Variants in ERCC8 observed in about 807,000 individuals in gnomAD.
ERCC8 encodes ERCC excision repair 8, CSA ubiquitin ligase complex subunit, also known as DNA excision repair protein ERCC-8.
A neutral mutation model predicts 54.9 loss-of-function variants in ERCC8; 52 were observed. The observed-to-expected ratio is 0.95, with a 90% CI of 0.76 to 1.19. The LOEUF (loss-of-function observed/expected upper bound fraction) is 1.19, where lower values mean the gene tolerates loss of function less well. Ranked by LOEUF, ERCC8 falls within the 50% of genes most tolerant of loss-of-function variation. ERCC8 has a pLI of 0.00. For missense variants in ERCC8, 514 were observed against 466.1 expected (o/e 1.10, Z -0.95); for synonymous variants, 146 against 157.2 (o/e 0.93, Z 0.53).
chr5:60,902,598 T>C (rs1484099116), intron 6 of ERCC8, 90 bp from the exon 7 acceptor site: 1 of 965,150 alleles, frequency 1.0e-6, no homozygotes, highest in Non-Finnish European at 1.7e-6. Flanking sequence ...CTGAAGAAAG[T>C]GAGGCCAAAT....
intron 9 of ERCC8, among the ~76,000 whole-genome samples, chr5:60,891,621 T>C (rs1432459368): frequency 6.6e-6 from 1 of 150,874 alleles, no homozygotes; most frequent in Non-Finnish European, 1.5e-5. Context: ...GAATGGTATT[T>C]TTTGGGGAGG....
At position 60,944,978 on chromosome 5, in the gene ERCC8, C is replaced by A; in HGVS notation, c.31G>T (p.Gly11Cys). ...CGAAGGCGAAGAGGGTCCTCCAAAC[C>A]CGTTTGGCGTGCGGACAAAAACCCC... MLGFLSARQT[G>C]LEDPLRLRRA... The change falls in exon 1 of 12, where the codon GGT becomes TGT. Residue 11 changes from glycine (G) to cysteine (C), a missense_variant. Coordinates refer to ENST00000676185, the MANE Select transcript of ERCC8 (RefSeq NM_000082.4). 1 of 1,614,144 alleles carries A rather than the reference C, an allele frequency of 6.2e-7. No individual in the cohort carries two copies.
chr5:60,924,637 T>C (rs901268426), intron 2 of ERCC8: 6 of 154,566 alleles, frequency 3.9e-5, no homozygotes, highest in African/African-American at 1.4e-4. Flanking sequence ...ATTCTGCTCT[T>C]TTGCCTTGGT....
chr5:60,902,309 T>G (rs1425163455), intron 7 of ERCC8, 133 bp downstream of exon 7: 2 of 690,450 alleles, frequency 2.9e-6, no homozygotes, highest in Admixed American at 2.9e-5. Context: ...TTAAAATTTC[T>G]AAGTCAATAC....
At chr5:60,893,411 A>T (rs1748625816) in intron 9 of ERCC8, 1 of 894,610 alleles carries the variant, frequency 1.1e-6, no homozygotes, top group African/African-American at 1.6e-5. Flanking sequence ...CATCTCCTCA[A>T]CCCTCTTCTT....
intron 2 of ERCC8, among the ~76,000 whole-genome samples, chr5:60,925,600 T>C (rs1003048597): frequency 1.3e-5 from 2 of 152,204 alleles, no homozygotes; most frequent in Admixed American, 1.3e-4. Context: ...AGATGCCTTA[T>C]CGCTTTTTAC....
At chr5:60,892,186 C>G (rs887842336) in intron 9 of ERCC8, 2 of 525,820 alleles carry the variant, frequency 3.8e-6, no homozygotes, top group African/African-American at 1.9e-5. Flanking sequence ...CCCACCCCAT[C>G]TGATGACGAT....
chr5:60,888,903 T>C (rs777392728), intron 10 of ERCC8, among the ~76,000 whole-genome samples: 6 of 152,226 alleles, frequency 3.9e-5, no homozygotes, highest in Non-Finnish European at 8.8e-5. Context: ...TCATTATTTG[T>C]TCCAATACTG....
At chr5:60,942,441 C>G (rs1156649530) in intron 1 of ERCC8, among the ~76,000 whole-genome samples, 7 of 152,094 alleles carry the variant, frequency 4.6e-5, no homozygotes, top group African/African-American at 7.2e-5. Context: ...TGTGGTATAT[C>G]TGCACAGTGG....
rs1206549001 is a variant in ERCC8, at chr5:60,867,241, C to T, written c.*7374G>A. Among the ~76,000 whole-genome samples the T allele has an allele frequency of 1.3e-5, 2 of 152,010 alleles. No individual in the cohort carries two copies. Among genetic ancestry groups the T allele is most frequent in the African/African-American group, 2.4e-5 (1 of 41,404 alleles). On this transcript the variant is annotated 3_prime_UTR_variant, in exon 12 of 12. Coordinates refer to ENST00000676185, the MANE Select transcript of ERCC8 (RefSeq NM_000082.4). ...AGACTCAGGACTTTTGATTTCCAGT[C>T]CACTGTTATTTCTTTTTCTTTTCAT... is the stretch of plus-strand genomic sequence containing the variant.
intron 4 of ERCC8, among the ~76,000 whole-genome samples, chr5:60,911,218 C>T (rs1749249633): frequency 6.6e-6 from 1 of 151,314 alleles, no homozygotes; most frequent in African/African-American, 2.4e-5. Context: ...CCTACTTCTC[C>T]ACATTCTCCC....
intron 11 of ERCC8, among the ~76,000 whole-genome samples, chr5:60,886,650 C>T (rs1225666299): frequency 1.3e-5 from 2 of 149,938 alleles, no homozygotes; most frequent in African/African-American, 5.0e-5. Flanking sequence ...TGCAGTGAGC[C>T]AAGATCACGC....
At chr5:60,919,448 A>G (rs764795272) in intron 3 of ERCC8, 1 of 152,002 alleles carries the variant, frequency 6.6e-6, no homozygotes, top group Non-Finnish European at 1.5e-5. Context: ...ATTCCTTAAG[A>G]TGAAGGTTTG....
intron 9 of ERCC8, chr5:60,892,018 C>A (rs1748577020): frequency 3.8e-6 from 2 of 526,404 alleles, no homozygotes; most frequent in Non-Finnish European, 3.9e-6. Flanking sequence ...TTTATCTGCA[C>A]ATTTCTGTAA....
At chr5:60,911,518 A>C (rs994443893) in intron 4 of ERCC8, among the ~76,000 whole-genome samples, 4 of 152,054 alleles carry the variant, frequency 2.6e-5, no homozygotes, top group African/African-American at 9.6e-5. Context: ...TAGATTGCAA[A>C]AATTTTCTCC....
In ERCC8 at chr5:60,928,908, G is replaced by A. The variant is rs145518936; in HGVS notation, c.129C>T (p.Gly43=). The A allele has an allele frequency of 3.4e-5, 54 of 1,608,852 alleles. No individual in the cohort carries two copies. In the Admixed American group the frequency reaches 4.7e-4, roughly 14 times the overall value. ...CAATGTCAAGGGTGTTAATTCCACC[G>A]CCGTGGATTCTTTCAACATCTCTGT... is the stretch of plus-strand genomic sequence containing the variant. ...NKDRDVERIH[G]GGINTLDIEP... Residue 43 remains glycine (G), a synonymous_variant, in exon 2 of 12, where the codon GGC becomes GGT. Transcript: ENST00000676185.
intron 4 of ERCC8, among the ~76,000 whole-genome samples, chr5:60,909,319 G>T (rs1749183156): frequency 7.4e-6 from 1 of 135,814 alleles, no homozygotes; most frequent in Non-Finnish European, 1.5e-5. Flanking sequence ...TCAATGATAT[G>T]GGCTCTGAAA....
chr5:60,926,505 A>G (rs1462067212), intron 2 of ERCC8, among the ~76,000 whole-genome samples: 1 of 152,248 alleles, frequency 6.6e-6, no homozygotes, highest in Non-Finnish European at 1.5e-5. Context: ...ATTTAAAAGT[A>G]GTTATTTGAA....
rs1041936209 is a variant in ERCC8, at chr5:60,867,652, A to T, written c.*6963T>A. 2.0e-5 allele frequency among the ~76,000 whole-genome samples: 3 copies of T among 152,218 alleles called. No individual in the cohort carries two copies. Among genetic ancestry groups the T allele is most frequent in the Non-Finnish European group, 4.4e-5 (3 of 68,034 alleles). ...GTTTGAACAGTGTATTTATTTAGAA[A>T]ATATACAGATTTACACAATAGTGGA... On this transcript the variant is annotated 3_prime_UTR_variant, in exon 12 of 12. Transcript: ENST00000676185.
Sources: allele counts gnomAD v4.1 joint callset (sites outside exome capture counted in the v4.1 genomes callset), GRCh38; gene constraint gnomAD v4.1.1; transcripts MANE v1.5; gene names NCBI Gene and HGNC (gene_info 2026-07-23, HGNC 2026-07-21).